The following JAKMIP3 variants were observed in gnomAD, a reference collection of about 807,000 sequenced individuals.
JAKMIP3 encodes the protein janus kinase and microtubule-interacting protein 3.
In JAKMIP3, 58 loss-of-function variants were observed where a neutral mutation model predicts 118.5. The ratio of observed to expected loss-of-function variants is 0.49; its 90% CI spans 0.40 to 0.61. The LOEUF (loss-of-function observed/expected upper bound fraction) is 0.61. Ranked by LOEUF, JAKMIP3 falls within the 20% of genes least tolerant of loss-of-function variation. The pLI, the probability that JAKMIP3 is intolerant of heterozygous loss-of-function variation, is 0.00. For missense variants in JAKMIP3, 950 were observed against 1,109.0 expected (o/e 0.86, Z 2.04); for synonymous variants, 486 against 451.2 (o/e 1.08, Z -0.98).
intron 1 of JAKMIP3, among the ~76,000 whole-genome samples, chr10:132,070,444 G>A (rs532132481): frequency 2.0e-5 from 3 of 152,250 alleles, no homozygotes; most frequent in East Asian, 1.9e-4. Flanking sequence ...CACCGCGCCC[G>A]ACCTGTCCTC....
chr10:132,174,747 C>T (rs1449340045), intron 23 of JAKMIP3, among the ~76,000 whole-genome samples: 2 of 152,112 alleles, frequency 1.3e-5, no homozygotes, highest in Non-Finnish European at 2.9e-5. Flanking sequence ...ATTTCCGTTG[C>T]CCCACACGCA....
chr10:132,100,097 C>G (rs1176714580), intron 1 of JAKMIP3, among the ~76,000 whole-genome samples: 1 of 152,188 alleles, frequency 6.6e-6, no homozygotes, highest in Non-Finnish European at 1.5e-5. Flanking sequence ...ATCCAGGCTC[C>G]CCAGGGCAGA....
At chr10:132,128,202 G>A (rs1272047036) in intron 3 of JAKMIP3, among the ~76,000 whole-genome samples, 7 of 152,164 alleles carry the variant, frequency 4.6e-5, no homozygotes, top group African/African-American at 9.7e-5. Context: ...ATTGTCAGGC[G>A]TTTTTCTTAA....
rs1186716869 is a variant in JAKMIP3, at chr10:132,163,359, C to T, written c.2371C>T (p.Arg791Trp). 5 of 1,608,640 alleles carry T rather than the reference C, an allele frequency of 3.1e-6. No individual in the cohort carries two copies. Among genetic ancestry groups the T allele is most frequent in the African/African-American group, 2.7e-5 (2 of 74,848 alleles). The change falls in exon 20 of 24, where the codon CGG (arginine) becomes TGG (tryptophan). Residue 791 changes from arginine (R) to tryptophan (W), a missense_variant. Coordinates refer to ENST00000684848, the MANE Select transcript of JAKMIP3 (RefSeq NM_001323087.2). Reference protein sequence around the residue: ...KRQVMSELRERDAQILRERME... With the variant: ...KRQVMSELREWDAQILRERME... Reference sequence around the variant, plus strand: ...CCAGGTCATGAGTGAGCTGCGCGAGCGGGACGCCCAGATCCTGCGGGAGCG... The same window carrying T: ...CCAGGTCATGAGTGAGCTGCGCGAGTGGGACGCCCAGATCCTGCGGGAGCG...
upstream of JAKMIP3, among the ~76,000 whole-genome samples, chr10:132,063,665 G>C (rs376934706): frequency 6.1e-4 from 93 of 152,326 alleles, 1 homozygote; most frequent in African/African-American, 2.2e-3. Context: ...GGAGAGAACG[G>C]ACCGTCTGCA....
intron 23 of JAKMIP3, among the ~76,000 whole-genome samples, chr10:132,172,329 A>T (rs879392949): frequency 6.6e-6 from 1 of 151,948 alleles, no homozygotes; most frequent in African/African-American, 2.4e-5. Context: ...AACCTTGATC[A>T]CTTGCCTAAG....
intron 1 of JAKMIP3, among the ~76,000 whole-genome samples, chr10:132,077,850 C>T (rs1023764586): frequency 6.6e-6 from 1 of 152,066 alleles, no homozygotes; most frequent in African/African-American, 2.4e-5. Context: ...CTCACTCTGT[C>T]ACCCAGGCTG....
At chr10:132,156,349 C>CT (rs1429368224) in intron 19 of JAKMIP3, among the ~76,000 whole-genome samples, 4 of 152,186 alleles carry the variant, frequency 2.6e-5, no homozygotes, top group African/African-American at 9.7e-5. Context: ...GAAGAACCCT[C>CT]TAGAACAGTG....
chr10:132,163,106 G>T, intron 19 of JAKMIP3, 103 bp from the exon 20 acceptor site: 1 of 1,125,632 alleles, frequency 8.9e-7, no homozygotes, highest in Non-Finnish European at 1.3e-6. Flanking sequence ...ATATCCTCTT[G>T]GCCCTGCTCC....
intron 1 of JAKMIP3, among the ~76,000 whole-genome samples, chr10:132,085,788 T>G (rs1253422742): frequency 6.6e-6 from 1 of 152,194 alleles, no homozygotes; most frequent in African/African-American, 2.4e-5. Flanking sequence ...CGTGAGCCAC[T>G]GCACCTGGCC....
At chr10:132,101,551 G>A (rs916934716) in intron 1 of JAKMIP3, among the ~76,000 whole-genome samples, 4 of 152,250 alleles carry the variant, frequency 2.6e-5, no homozygotes, top group Non-Finnish European at 2.9e-5. Flanking sequence ...CAACTGTCTC[G>A]GCAGCCAGAT....
At position 132,112,587 on chromosome 10, in the gene JAKMIP3, TTTATG is replaced by T. The variant is rs1200558361; in HGVS notation, c.136-4488_136-4484del. 6.6e-6 allele frequency among the ~76,000 whole-genome samples: 1 copy of T among 152,210 alleles called. No homozygotes were observed. The highest frequency in any genetic ancestry group is 1.5e-5 in the Non-Finnish European group (1 of 68,026). ...CCGCTTGGCTCTGTGTTCACAGAGATTTATGTGAATGTCTTGCATTTTAAAGAAGT... is the reference window on the plus strand; with the variant it reads ...CCGCTTGGCTCTGTGTTCACAGAGATTGAATGTCTTGCATTTTAAAGAAGT... On this transcript the variant is annotated intron_variant, in intron 2 of 23. Transcript: ENST00000684848. This position sits in a 1 kb window ranked among gnomAD's most constrained non-coding sequence, Gnocchi z 4.3.
chr10:132,166,976 G>T lies in JAKMIP3; in HGVS notation c.2491-7G>T, dbSNP rs778782414. The T allele has an allele frequency of 3.9e-6, 6 of 1,536,530 alleles. No individual in the cohort carries two copies. The highest frequency in any genetic ancestry group is 2.0e-5 in the Admixed American group (1 of 50,818). On this transcript the variant is annotated splice_region_variant and splice_polypyrimidine_tract_variant and intron_variant, in intron 21 of 23. Coordinates refer to ENST00000684848, the MANE Select transcript of JAKMIP3 (RefSeq NM_001323087.2). Reference sequence around the variant, plus strand: ...TCCGTTTCTCCATCCTCCCCTTTCCGTTTCAGTTTCTATTTTTGTTCTTAT... The same window carrying T: ...TCCGTTTCTCCATCCTCCCCTTTCCTTTTCAGTTTCTATTTTTGTTCTTAT...
intron 1 of JAKMIP3, among the ~76,000 whole-genome samples, chr10:132,038,790 C>CA (rs58917363): frequency 0.055 from 6,791 of 124,538 alleles, 308 homozygotes; most frequent in East Asian, 0.23. Flanking sequence ...GAGACTGTCT[C>CA]AAAAAAAAAA....
At chr10:132,161,969 G>A (rs949905856) in intron 19 of JAKMIP3, among the ~76,000 whole-genome samples, 5 of 147,720 alleles carry the variant, frequency 3.4e-5, no homozygotes, top group East Asian at 3.9e-4. Context: ...GGGATGCTCC[G>A]AGTTTTCTGA....
chr10:132,092,969 G>C (rs2043289413), intron 1 of JAKMIP3, among the ~76,000 whole-genome samples: 1 of 152,170 alleles, frequency 6.6e-6, no homozygotes, highest in Non-Finnish European at 1.5e-5. Context: ...CTTTCTGTTT[G>C]TTAGTTTTCC....
chr10:132,055,167 G>A (rs918484659), intron 1 of JAKMIP3, among the ~76,000 whole-genome samples: 9 of 152,206 alleles, frequency 5.9e-5, no homozygotes, highest in African/African-American at 2.2e-4. Context: ...ACTGGGAGGT[G>A]CACAGCAGAT....
chr10:132,148,437 C>T (rs2055096111), intron 14 of JAKMIP3, among the ~76,000 whole-genome samples: 1 of 150,948 alleles, frequency 6.6e-6, no homozygotes, highest in African/African-American at 2.4e-5. Flanking sequence ...GAGGAGCTGG[C>T]ACGTCCGTCC....
intron 6 of JAKMIP3, 71 bp from the exon 7 acceptor site, chr10:132,136,948 C>T: frequency 6.5e-7 from 1 of 1,536,310 alleles, no homozygotes; most frequent in South Asian, 1.3e-5. Context: ...GAAGACCCCC[C>T]CGCCGACCCA....
Sources: allele counts gnomAD v4.1 joint callset (sites outside exome capture counted in the v4.1 genomes callset), GRCh38; gene constraint gnomAD v4.1.1; non-coding constraint Gnocchi (gnomAD v3.1); transcripts MANE v1.5; gene names NCBI Gene and HGNC (gene_info 2026-07-23, HGNC 2026-07-21).